Variants in RAI1 observed in about 807,000 individuals in gnomAD.
RAI1 encodes the protein retinoic acid-induced protein 1.
In RAI1, 9 loss-of-function variants were observed where a neutral mutation model predicts 123.8. That is an observed-to-expected ratio of 0.07 (90% CI 0.04 to 0.13). The LOEUF is 0.13. Ranked by LOEUF, RAI1 falls within the 10% of genes least tolerant of loss-of-function variation. The probability of loss-of-function intolerance (pLI) is 1.00; values close to 1 mark genes in which losing one functional copy is unlikely to be tolerated. For synonymous variants in RAI1, 1,231 were observed against 1,127.3 expected (o/e 1.09, Z -1.84); for missense variants, 2,256 against 2,545.8 (o/e 0.89, Z 2.45).
intron 1 of RAI1, among the ~76,000 whole-genome samples, chr17:17,695,588 G>A (rs1258360982): frequency 6.6e-6 from 1 of 150,866 alleles, no homozygotes; most frequent in African/African-American, 2.4e-5. Flanking sequence ...GTGCAGTGGC[G>A]TAATCTCCGC....
At position 17,795,455 on chromosome 17, in the gene RAI1, G is replaced by C. The variant is rs569207424; in HGVS notation, c.2507G>C (p.Arg836Pro). The part of the protein sequence containing the change: ...LQCPEVAKAD[R>P]WLEDSRHCCS... ...TGCCCCGAGGTGGCCAAGGCTGACC[G>C]GTGGCTGGAGGACAGCCGGCACTGC... The change falls in exon 3 of 6, where the codon CGG becomes CCG. Residue 836 changes from arginine to proline, a missense_variant. By Grantham distance (103) the Arg-to-Pro change is moderately radical. Transcript: ENST00000353383. The surrounding 1 kb of genome is among the most constrained non-coding windows in gnomAD (Gnocchi z 5.9). 1 of 1,586,298 alleles carries C rather than the reference G, an allele frequency of 6.3e-7. No individual in the cohort carries two copies. Among genetic ancestry groups the C allele is most frequent in the African/African-American group, 1.3e-5 (1 of 74,716 alleles).
intron 1 of RAI1, among the ~76,000 whole-genome samples, chr17:17,682,292 G>A (rs950783833): frequency 6.6e-6 from 1 of 152,048 alleles, no homozygotes; most frequent in African/African-American, 2.4e-5. Flanking sequence ...CAGGGCCGGC[G>A]AAGGCCGTGC....
At chr17:17,686,608 T>C (rs569324781) in intron 1 of RAI1, among the ~76,000 whole-genome samples, 2,466 of 137,836 alleles carry the variant, frequency 0.018, 68 homozygotes, top group African/African-American at 0.06. Context: ...TGTGTGTGTG[T>C]GCACGCGCGC....
chr17:17,725,434 G>T (rs551460359), intron 2 of RAI1, among the ~76,000 whole-genome samples: 1 of 152,278 alleles, frequency 6.6e-6, no homozygotes, highest in South Asian at 2.1e-4. Flanking sequence ...GAAGGGGGAG[G>T]AGAGTGGTGG....
intron 2 of RAI1, among the ~76,000 whole-genome samples, chr17:17,745,976 G>A (rs1349511833): frequency 6.6e-6 from 1 of 152,224 alleles, no homozygotes; most frequent in Admixed American, 6.5e-5. Flanking sequence ...CAGGGACTGG[G>A]TGCGTTGTTC....
In RAI1 at chr17:17,800,051, C is replaced by T. The variant is rs535650537; in HGVS notation, c.5565+1538C>T. On this transcript the variant is annotated intron_variant, in intron 3 of 5. Transcript: ENST00000353383. The surrounding 1 kb of genome is among the most constrained non-coding windows in gnomAD (Gnocchi z 4.7). The stretch of plus-strand genomic sequence containing the variant: ...CTCCACCTCAGAGGAAGGCTGGCCC[C>T]GACAGGACTCCTGCAGGTTCCTGGT... Among the ~76,000 whole-genome samples, 4 of 152,268 alleles carry T rather than the reference C, an allele frequency of 2.6e-5. No individual in the cohort carries two copies. The highest frequency in any genetic ancestry group is 7.2e-5 in the African/African-American group (3 of 41,560).
chr17:17,756,944 C>G (rs989463707), intron 2 of RAI1, among the ~76,000 whole-genome samples: 2 of 152,168 alleles, frequency 1.3e-5, no homozygotes, highest in Non-Finnish European at 2.9e-5. Flanking sequence ...AACCGCATGC[C>G]CATTGCCTTT....
rs146380837 is a variant in RAI1, at chr17:17,776,022, G to A, written c.-16-16911G>A. ...AAGCTGTGTACCCACTGAGGAGGAC[G>A]CAGCCTGTACAGGAATTCAGGTTTG... On this transcript the variant is annotated intron_variant, in intron 2 of 5. Coordinates refer to ENST00000353383, the MANE Select transcript of RAI1 (RefSeq NM_030665.4). 7.6e-4 allele frequency among the ~76,000 whole-genome samples: 116 copies of A among 152,370 alleles called. No homozygotes were observed. In the Middle Eastern group the frequency reaches 0.02, roughly 27 times the overall value.
chr17:17,761,862 C>T (rs1401970140), intron 2 of RAI1, among the ~76,000 whole-genome samples: 1 of 151,940 alleles, frequency 6.6e-6, no homozygotes, highest in Non-Finnish European at 1.5e-5. Flanking sequence ...AGGTGGTGGT[C>T]ACTGAGGAGC....
At chr17:17,764,278 C>T (rs972826052) in intron 2 of RAI1, among the ~76,000 whole-genome samples, 4 of 152,148 alleles carry the variant, frequency 2.6e-5, no homozygotes, top group African/African-American at 9.6e-5. Context: ...GAGCACGAAT[C>T]ATAGGTGGAC....
At chr17:17,739,996 G>A (rs567368293) in intron 2 of RAI1, among the ~76,000 whole-genome samples, 41 of 152,364 alleles carry the variant, frequency 2.7e-4, no homozygotes, top group Admixed American at 6.5e-4. Flanking sequence ...GAGTGGGGAT[G>A]GAAGCCTCCA....
chr17:17,762,305 G>A (rs1012467985), intron 2 of RAI1, among the ~76,000 whole-genome samples: 1 of 152,130 alleles, frequency 6.6e-6, no homozygotes, highest in Non-Finnish European at 1.5e-5. Flanking sequence ...CGTCCCAGGC[G>A]GAGGGAACAG....
chr17:17,757,739 C>T (rs969744128), intron 2 of RAI1, among the ~76,000 whole-genome samples: 3 of 152,232 alleles, frequency 2.0e-5, no homozygotes, highest in African/African-American at 7.2e-5. Context: ...CCCATCAGTG[C>T]CACTTCCGGA....
chr17:17,718,277 C>G (rs1915771734), intron 1 of RAI1, among the ~76,000 whole-genome samples: 1 of 152,116 alleles, frequency 6.6e-6, no homozygotes, highest in East Asian at 1.9e-4. Flanking sequence ...AGGGGACATT[C>G]AAATGTTTGG....
Position 17,794,343 on chromosome 17 carries a change from C to G in RAI1, c.1395C>G (p.Val465=). Residue 465 remains valine, a synonymous_variant, in exon 3 of 6, where the codon GTC becomes GTG. Coordinates refer to ENST00000353383, the MANE Select transcript of RAI1 (RefSeq NM_030665.4). ...CTGCTGTGCCGCAGAAGAAAGGTGT[C>G]AAGAACCTCGTGTCCAGGACCCCAG... ...SKAAVPQKKG[V]KNLVSRTPEQ... The G allele has an allele frequency of 6.2e-7, 1 of 1,613,102 alleles. No homozygotes were observed. Among genetic ancestry groups the G allele is most frequent in the East Asian group, 2.2e-5 (1 of 44,852 alleles).
intron 2 of RAI1, among the ~76,000 whole-genome samples, chr17:17,744,660 C>T (rs535811714): frequency 6.6e-6 from 1 of 151,844 alleles, no homozygotes; most frequent in African/African-American, 2.4e-5. Context: ...CGTGATGGTG[C>T]GCACCTGTAA....
intron 2 of RAI1, among the ~76,000 whole-genome samples, chr17:17,757,994 C>G (rs1338165499): frequency 6.6e-6 from 1 of 152,246 alleles, no homozygotes; most frequent in Non-Finnish European, 1.5e-5. Flanking sequence ...CAGCTCATGC[C>G]TCTGGGCCTC....
chr17:17,804,838 ATT>A (rs1567937682), intron 4 of RAI1, among the ~76,000 whole-genome samples: 85 of 144,208 alleles, frequency 5.9e-4, no homozygotes, highest in African/African-American at 2.3e-3. Flanking sequence ...TAGTGTTTTT[ATT>A]TTTATTTATT....
At chr17:17,780,372 CCTTT>C (rs1465631136) in intron 2 of RAI1, among the ~76,000 whole-genome samples, 1 of 152,126 alleles carries the variant, frequency 6.6e-6, no homozygotes, top group Non-Finnish European at 1.5e-5. Context: ...GGCCACCCAC[CCTTT>C]TTTTCTCCCA....
Sources: gnomAD v4.1 joint callset for allele counts (sites outside exome capture counted in the v4.1 genomes callset) on GRCh38, gnomAD v4.1.1 for gene constraint, Gnocchi (gnomAD v3.1) non-coding constraint, MANE v1.5 for transcripts, NCBI Gene and HGNC (gene_info 2026-07-23, HGNC 2026-07-21) for gene names.